Variants in NAA11 observed in about 807,000 individuals in gnomAD.
NAA11 encodes N-alpha-acetyltransferase 11, NatA catalytic subunit, also known as N-alpha-acetyltransferase 11.
NAA11 carries 15 observed loss-of-function variants against 16.1 expected under a neutral mutation model. The ratio of observed to expected loss-of-function variants is 0.93; its 90% CI spans 0.62 to 1.44. The LOEUF is 1.44. Ranked by LOEUF, NAA11 falls within the 40% of genes most tolerant of loss-of-function variation. The pLI is 0.00. For missense variants in NAA11, 298 were observed against 291.3 expected, an observed-to-expected ratio of 1.02 and a Z score of -0.17; for synonymous variants, 122 against 112.4, an observed-to-expected ratio of 1.09 and a Z score of -0.54.
intron 2 of NAA11, among the ~76,000 whole-genome samples, chr4:79,256,930 T>C (rs1722126866): frequency 6.6e-6 from 1 of 151,996 alleles, no homozygotes; most frequent in Non-Finnish European, 1.5e-5. Flanking sequence ...TGAGCCACCA[T>C]GCCCGGCCTG....
exon 2 of NAA11, chr4:79,294,022 A>G (rs1305361128): frequency 1.3e-5 from 2 of 152,558 alleles, no homozygotes; most frequent in Admixed American, 1.3e-4. Flanking sequence ...CCTTCATGGG[A>G]TGATGCAGCA....
the NAA11 span, among the ~76,000 whole-genome samples, chr4:79,217,816 A>G: frequency 3.3e-5 from 5 of 152,184 alleles, no homozygotes; most frequent in Admixed American, 3.3e-4. Context: ...TTACCATAAT[A>G]TCTTACATTG....
intron 1 of NAA11, among the ~76,000 whole-genome samples, chr4:79,309,527 G>C (rs774764204): frequency 6.6e-6 from 1 of 152,012 alleles, no homozygotes; most frequent in Non-Finnish European, 1.5e-5. Flanking sequence ...CTATTTACCT[G>C]TGCCTCTTAT....
chr4:79,291,272 G>C (rs887469996), intron 2 of NAA11, among the ~76,000 whole-genome samples: 3 of 150,656 alleles, frequency 2.0e-5, no homozygotes, highest in African/African-American at 7.3e-5. Context: ...GACCAGCCTG[G>C]GCAACATATT....
chr4:79,225,276 G>A (rs1329094527), downstream of NAA11, among the ~76,000 whole-genome samples: 2 of 151,910 alleles, frequency 1.3e-5, no homozygotes, highest in Non-Finnish European at 2.9e-5. Flanking sequence ...GTATGCTAGA[G>A]GGGTGGTGGT....
chr4:79,217,824 T>C, the NAA11 span, among the ~76,000 whole-genome samples: 1 of 152,092 alleles, frequency 6.6e-6, no homozygotes, highest in Non-Finnish European at 1.5e-5. Flanking sequence ...ATATCTTACA[T>C]TGTAGGTAAT....
intron 1 of NAA11, 68 bp downstream of exon 1, chr4:79,325,108 T>C (rs558831027): frequency 4.4e-6 from 6 of 1,362,128 alleles, no homozygotes; most frequent in East Asian, 2.5e-5. Context: ...CAGGATGGAA[T>C]TGGGCAGGCC....
intron 2 of NAA11, among the ~76,000 whole-genome samples, chr4:79,255,024 T>C (rs927947998): frequency 3.9e-5 from 6 of 152,160 alleles, no homozygotes; most frequent in Non-Finnish European, 8.8e-5. Flanking sequence ...TACAATAATG[T>C]CAAAGAATCT....
intron 2 of NAA11, among the ~76,000 whole-genome samples, chr4:79,228,361 G>A (rs1721373917): frequency 6.6e-6 from 1 of 151,816 alleles, no homozygotes; most frequent in African/African-American, 2.4e-5. Context: ...TATCATTTAT[G>A]TACATTAAAA....
At position 79,325,361 on chromosome 4, in the gene NAA11, C is replaced by T; in HGVS notation, c.517G>A (p.Gly173Ser). The change falls in exon 1 of 2, where the codon GGC becomes AGC. Residue 173 changes from glycine (G) to serine (S), a missense_variant. Coordinates refer to ENST00000286794, the MANE Select transcript of NAA11 (RefSeq NM_032693.3). The part of the protein sequence containing the change: ...DLKKGGYVVL[G>S]SRENQETQGS... The stretch of plus-strand genomic sequence containing the variant: ...TGGGTCTCCTGGTTCTCCCTGGAGC[C>T]CAGGACCACATACCCGCCCTTCTTC... 2 of 1,613,944 alleles carry T rather than the reference C, an allele frequency of 1.2e-6. No individual in the cohort carries two copies. Among genetic ancestry groups the T allele is most frequent in the South Asian group, 1.1e-5 (1 of 91,074 alleles).
intron 2 of NAA11, among the ~76,000 whole-genome samples, chr4:79,275,110 C>T (rs1167983353): frequency 6.6e-6 from 1 of 151,894 alleles, no homozygotes; most frequent in Non-Finnish European, 1.5e-5. Flanking sequence ...TGTTAAGTAA[C>T]CATATTCTAA....
chr4:79,173,257 G>A, the NAA11 span, among the ~76,000 whole-genome samples: 1 of 152,204 alleles, frequency 6.6e-6, no homozygotes, highest in South Asian at 2.1e-4. Context: ...ACATTGATCT[G>A]TTGCAGTGCC....
chr4:79,197,597 T>C, the NAA11 span: 1 of 152,052 alleles, frequency 6.6e-6, no homozygotes, highest in Admixed American at 6.6e-5. Context: ...CTAGCCTGGA[T>C]AACACATGGA....
At chr4:79,319,573 C>G (rs1010846601) in intron 1 of NAA11, among the ~76,000 whole-genome samples, 3 of 152,140 alleles carry the variant, frequency 2.0e-5, no homozygotes, top group African/African-American at 7.2e-5. Context: ...AAAACCTCTG[C>G]TTTTATCAGT....
the NAA11 span, among the ~76,000 whole-genome samples, chr4:79,176,842 C>A: frequency 2.0e-5 from 3 of 152,102 alleles, no homozygotes; most frequent in African/African-American, 4.8e-5. Context: ...CATGCACGTC[C>A]CAAGGACAAG....
At chr4:79,249,063 C>G (rs1721926216) in intron 2 of NAA11, among the ~76,000 whole-genome samples, 1 of 152,204 alleles carries the variant, frequency 6.6e-6, no homozygotes, top group African/African-American at 2.4e-5. Context: ...ATGCCAGCTC[C>G]CAAGAGTTAC....
intron 2 of NAA11, among the ~76,000 whole-genome samples, chr4:79,279,608 A>G (rs144853896): frequency 6.6e-6 from 1 of 152,250 alleles, no homozygotes; most frequent in African/African-American, 2.4e-5. Flanking sequence ...TGCTACTCTA[A>G]TGACCAGTCT....
At chr4:79,208,999 G>T in the NAA11 span, among the ~76,000 whole-genome samples, 2 of 145,562 alleles carry the variant, frequency 1.4e-5, no homozygotes, top group Non-Finnish European at 3.0e-5. Flanking sequence ...TTTCAGGCTT[G>T]CATAATTTTT....
the NAA11 span, among the ~76,000 whole-genome samples, chr4:79,200,956 C>T: frequency 6.6e-6 from 1 of 151,334 alleles, no homozygotes; most frequent in Non-Finnish European, 1.5e-5. Context: ...ATATATTATA[C>T]ATATATGTAT....
Sources: gnomAD v4.1 joint callset for allele counts (sites outside exome capture counted in the v4.1 genomes callset) on GRCh38, gnomAD v4.1.1 for gene constraint, MANE v1.5 for transcripts, NCBI Gene and HGNC (gene_info 2026-07-23, HGNC 2026-07-21) for gene names.